Variants in C5orf22 observed in about 807,000 individuals in gnomAD.
C5orf22 encodes the protein UPF0489 protein C5orf22.
A neutral mutation model predicts 48.7 loss-of-function variants in C5orf22; 36 were observed. The observed-to-expected ratio is 0.74, with a 90% confidence interval of 0.57 to 0.98. The LOEUF (loss-of-function observed/expected upper bound fraction) is 0.98, where lower values mean the gene tolerates loss of function less well. C5orf22 is among the 50% of genes least tolerant of loss of function. The pLI is 0.00. For synonymous variants in C5orf22, 141 were observed against 180.8 expected (o/e 0.78, Z 1.76); for missense variants, 486 against 521.9 (o/e 0.93, Z 0.67).
At chr5:31,537,438 A>G (rs1274774019) in intron 3 of C5orf22, among the ~76,000 whole-genome samples, 1 of 152,240 alleles carries the variant, frequency 6.6e-6, no homozygotes, top group East Asian at 1.9e-4. Flanking sequence ...ATAAGCTTGG[A>G]CATTAGTTTT....
chr5:31,548,700 C>T, intron 7 of C5orf22: 1 of 366,026 alleles, frequency 2.7e-6, no homozygotes, highest in Non-Finnish European at 5.4e-6. Flanking sequence ...ATCTTTTCAA[C>T]AGTGCTCCAC....
intron 7 of C5orf22, chr5:31,548,542 T>C (rs1743039367): frequency 2.2e-6 from 1 of 449,172 alleles, no homozygotes. Flanking sequence ...TGGATTTCAT[T>C]GTCCATGTCA....
chr5:31,535,876 T>G lies in C5orf22; in HGVS notation c.360T>G (p.Thr120=). ...ACCACTTTTTAGTAGGCAAAGACAC[T>G]TCTACCACAACAATCAGGTAATTTC... is the stretch of plus-strand genomic sequence containing the variant. ...GRHHFLVGKD[T]STTTIRVTST... Residue 120 remains threonine, a synonymous_variant, in exon 3 of 9, where the codon ACT becomes ACG. Coordinates refer to ENST00000325366, the MANE Select transcript of C5orf22 (RefSeq NM_018356.3). 6.2e-7 allele frequency: 1 copy of G among 1,612,114 alleles called. No homozygotes were observed.
At position 31,532,414 on chromosome 5, in the gene C5orf22, C is replaced by T; in HGVS notation, c.22C>T (p.Arg8Cys). ...AAACATGAGTGACTCCGCGGGAGGG[C>T]GCGCTGGTCTCCGGCGTTACCCCAA... MSDSAGGRAGLRRYPKLP... is the reference protein window; with the variant it reads MSDSAGGCAGLRRYPKLP... The change falls in exon 1 of 9, where the codon CGC becomes TGC. Residue 8 changes from arginine (R) to cysteine (C), a missense_variant. By Grantham distance (180) the Arg-to-Cys change is radical. This residue lies in a region of C5orf22 where 74 missense variants were observed against 61.2 expected (regional missense o/e 1.21). Coordinates refer to ENST00000325366, the MANE Select transcript of C5orf22 (RefSeq NM_018356.3). 6.2e-7 allele frequency: 1 copy of T among 1,613,906 alleles called. No individual in the cohort carries two copies. The highest frequency in any genetic ancestry group is 8.5e-7 in the Non-Finnish European group (1 of 1,179,930).
chr5:31,538,689 G>A lies in C5orf22; in HGVS notation c.807G>A (p.Gln269=). The change falls in exon 4 of 9, where the codon CAG becomes CAA. Residue 269 remains glutamine (Q), a splice_region_variant and synonymous_variant. Coordinates refer to ENST00000325366, the MANE Select transcript of C5orf22 (RefSeq NM_018356.3). ...ATCCCTTCAAAGAAATGTTCACTCA[G>A]GTAAATAATTGTGTTTTTAACACAT... ...VKNPFKEMFT[Q]EEYKILQELY... The A allele has an allele frequency of 6.2e-7, 1 of 1,602,852 alleles. No homozygotes were observed. The highest frequency in any genetic ancestry group is 1.7e-5 in the Admixed American group (1 of 59,244).
rs772967503 is a variant in C5orf22, at chr5:31,538,656, A to C, written c.774A>C (p.Ser258=). Residue 258 remains serine (S), a synonymous_variant, in exon 4 of 9, where the codon TCA becomes TCC. Coordinates refer to ENST00000325366, the MANE Select transcript of C5orf22 (RefSeq NM_018356.3). ...FVLDIDLDFF[S]VKNPFKEMFT... ...TAGATATTGACTTGGATTTTTTTTC[A>C]GTCAAGAATCCCTTCAAAGAAATGT... is the stretch of plus-strand genomic sequence containing the variant. 1.2e-6 allele frequency: 2 copies of C among 1,613,232 alleles called. No individual in the cohort carries two copies. Among genetic ancestry groups the C allele is most frequent in the South Asian group, 2.2e-5 (2 of 90,992 alleles).
intron 3 of C5orf22, among the ~76,000 whole-genome samples, chr5:31,536,898 A>G (rs751953565): frequency 3.3e-5 from 5 of 152,224 alleles, no homozygotes; most frequent in Non-Finnish European, 7.3e-5. Context: ...GTGAAATGGT[A>G]ATACGTTGAA....
At position 31,538,343 on chromosome 5, in the gene C5orf22, T is replaced by C; in HGVS notation, c.461T>C (p.Leu154Ser). 3 of 1,614,008 alleles carry C rather than the reference T, an allele frequency of 1.9e-6. No homozygotes were observed. The highest frequency in any genetic ancestry group is 1.6e-4 in the Middle Eastern group (1 of 6,062). ...CTAGAGAACCAAAAACCTTTACAAT[T>C]GGATGTAATTATGGTAAAACCTTAT... Reference protein sequence around the residue: ...DQLENQKPLQLDVIMVKPYKL... With the variant: ...DQLENQKPLQSDVIMVKPYKL... Residue 154 changes from leucine (L) to serine (S), a missense_variant, in exon 4 of 9, where the codon TTG (leucine) becomes TCG (serine). Physicochemically the swap from Leu to Ser is moderately radical, Grantham distance 145. This residue lies in a region of C5orf22 where 408 missense variants were observed against 444.0 expected (regional missense o/e 0.92). Transcript: ENST00000325366.
intron 6 of C5orf22, among the ~76,000 whole-genome samples, chr5:31,542,650 A>G (rs1233707698): frequency 6.6e-6 from 1 of 152,138 alleles, no homozygotes; most frequent in Admixed American, 6.5e-5. Context: ...TTTGAGTGAA[A>G]GCCTTTGGTA....
At chr5:31,546,564 G>A (rs1325655061) in intron 7 of C5orf22, among the ~76,000 whole-genome samples, 1 of 152,158 alleles carries the variant, frequency 6.6e-6, no homozygotes, top group African/African-American at 2.4e-5. Context: ...ACCTGAGACT[G>A]GGCAATTTAC....
intron 8 of C5orf22, among the ~76,000 whole-genome samples, chr5:31,551,682 G>A (rs1364434362): frequency 2.6e-5 from 4 of 152,146 alleles, no homozygotes; most frequent in Admixed American, 6.5e-5. Context: ...CTTTGAAGGT[G>A]GAGGCCACAA....
At chr5:31,538,823 C>G in intron 4 of C5orf22, 134 bp downstream of exon 4, 5 of 670,856 alleles carry the variant, frequency 7.5e-6, no homozygotes, top group Non-Finnish European at 1.2e-5. Context: ...CTACTAATAC[C>G]CTTTTCTGTT....
At position 31,553,161 on chromosome 5, in the gene C5orf22, TTTTG is replaced by T. The variant is rs1554054742; in HGVS notation, c.*277_*280del. The T allele has an allele frequency of 6.2e-4, 155 of 249,632 alleles. No individual in the cohort carries two copies. Among genetic ancestry groups the T allele is most frequent in the South Asian group, 4.3e-3 (64 of 14,762 alleles). 15.5% of individuals were successfully genotyped at this position (249,632 alleles called of 1,614,324 possible). ...GTATTTTTTAGGGTTTTGTTTTTTTTTTTGTTTGTTTGTTTGTTTGTCTTCACTT... is the reference window on the plus strand; with the variant it reads ...GTATTTTTTAGGGTTTTGTTTTTTTTTTTGTTTGTTTGTTTGTCTTCACTT... On this transcript the variant is annotated 3_prime_UTR_variant, in exon 9 of 9. Transcript: ENST00000325366.
chr5:31,540,476 T>C (rs2150074382), intron 4 of C5orf22, among the ~76,000 whole-genome samples: 1 of 152,320 alleles, frequency 6.6e-6, no homozygotes, highest in South Asian at 2.1e-4. Flanking sequence ...GCCTTTGTAC[T>C]TCAGAGATCT....
chr5:31,543,721 T>C (rs1742614605), intron 6 of C5orf22, among the ~76,000 whole-genome samples: 1 of 152,172 alleles, frequency 6.6e-6, no homozygotes, highest in Non-Finnish European at 1.5e-5. Context: ...AAAATACCTA[T>C]TATTTTGTTA....
rs200515201 is a variant in C5orf22 at position 31,532,422 on chromosome 5, T to G, written c.30T>G (p.Gly10=). 4.0e-5 allele frequency: 65 copies of G among 1,613,808 alleles called. No homozygotes were observed. Among genetic ancestry groups the G allele is most frequent in the Admixed American group, 3.3e-5 (2 of 59,990 alleles). The change falls in exon 1 of 9, where the codon GGT becomes GGG. Residue 10 remains glycine, a synonymous_variant. Transcript: ENST00000325366. The stretch of plus-strand genomic sequence containing the variant: ...GTGACTCCGCGGGAGGGCGCGCTGG[T>G]CTCCGGCGTTACCCCAAGCTCCCAG... MSDSAGGRA[G]LRRYPKLPVW...
intron 7 of C5orf22, 75 bp downstream of exon 7, chr5:31,545,787 G>A: frequency 1.1e-6 from 1 of 939,464 alleles, no homozygotes. Flanking sequence ...TTTCCTTTTT[G>A]TTAAAGTGGT....
At chr5:31,547,132 GCAGTGCAAGTCTGAAGTCCAT>G (rs1228174405) in intron 7 of C5orf22, among the ~76,000 whole-genome samples, 1 of 152,192 alleles carries the variant, frequency 6.6e-6, no homozygotes. Context: ...GCCCAAAGGG[GCAGTGCAAGTCTGAAGTCCAT>G]CAGGGCAGTC....
At chr5:31,547,227 C>G (rs1742947764) in intron 7 of C5orf22, among the ~76,000 whole-genome samples, 1 of 152,272 alleles carries the variant, frequency 6.6e-6, no homozygotes, top group Non-Finnish European at 1.5e-5. Flanking sequence ...CACGCTGATG[C>G]AAGAGGTGGG....
Sources: gnomAD v4.1 joint callset for allele counts (sites outside exome capture counted in the v4.1 genomes callset) on GRCh38, gnomAD v4.1.1 for gene constraint, gnomAD v4.1.1 regional missense constraint, MANE v1.5 for transcripts, NCBI Gene and HGNC (gene_info 2026-07-23, HGNC 2026-07-21) for gene names.